GRK3: variants seen among roughly 807,000 people sequenced by gnomAD.
GRK3 encodes the protein adrenergic, beta, receptor kinase 2.
GRK3 carries 54 observed loss-of-function variants against 95.7 expected under a neutral mutation model. That is an observed-to-expected ratio of 0.56 (90% CI 0.45 to 0.71). GRK3 has a LOEUF of 0.71. GRK3 is among the 30% of genes least tolerant of loss of function. GRK3 has a pLI of 0.00. For synonymous variants in GRK3, 281 were observed against 290.8 expected, an observed-to-expected ratio of 0.97 and a Z score of 0.34; for missense variants, 649 against 851.2, an observed-to-expected ratio of 0.76 and a Z score of 2.96.
intron 18 of GRK3, among the ~76,000 whole-genome samples, chr22:25,716,091 A>G (rs1007815355): frequency 1.3e-5 from 2 of 151,814 alleles, no homozygotes; most frequent in Non-Finnish European, 2.9e-5. Flanking sequence ...GGTTCAAGTG[A>G]TTCTCCTGCC....
intron 12 of GRK3, among the ~76,000 whole-genome samples, chr22:25,693,087 T>C (rs977739822): frequency 2.6e-5 from 4 of 152,134 alleles, no homozygotes; most frequent in African/African-American, 9.7e-5. Flanking sequence ...CATGAAAAAA[T>C]CGCAGGAAAA....
chr22:25,615,441 AT>A (rs944591324), intron 2 of GRK3, among the ~76,000 whole-genome samples: 3 of 152,192 alleles, frequency 2.0e-5, no homozygotes, highest in Non-Finnish European at 4.4e-5. Context: ...CTGGTTTTAG[AT>A]TTTTTTGGAG....
At chr22:25,693,593 T>C (rs773203550) in intron 12 of GRK3, among the ~76,000 whole-genome samples, 1 of 152,116 alleles carries the variant, frequency 6.6e-6, no homozygotes, top group African/African-American at 2.4e-5. Context: ...TGATTGAGCT[T>C]TCCAGAATGC....
chr22:25,565,224 C>A, intron 1 of GRK3, 71 bp downstream of exon 1: 1 of 776,296 alleles, frequency 1.3e-6, no homozygotes, highest in South Asian at 2.0e-5. Flanking sequence ...CCCCTGCTTC[C>A]TGGAGGGTCG....
intron 3 of GRK3, among the ~76,000 whole-genome samples, chr22:25,652,512 C>T (rs1388125730): frequency 6.6e-6 from 1 of 152,060 alleles, no homozygotes; most frequent in Non-Finnish European, 1.5e-5. Flanking sequence ...AACTAAATTG[C>T]ATGACAGTAG....
At chr22:25,708,109 G>A (rs1442061392) in intron 15 of GRK3, among the ~76,000 whole-genome samples, 1 of 152,110 alleles carries the variant, frequency 6.6e-6, no homozygotes, top group Non-Finnish European at 1.5e-5. Flanking sequence ...TTAGCCGGGT[G>A]TGGTGGCACG....
chr22:25,565,460 C>A (rs1601438022), intron 1 of GRK3, among the ~76,000 whole-genome samples: 1 of 152,244 alleles, frequency 6.6e-6, no homozygotes, highest in African/African-American at 2.4e-5. Flanking sequence ...TCGCCCCCTC[C>A]CCCCAGCCCT....
intron 11 of GRK3, among the ~76,000 whole-genome samples, chr22:25,688,584 G>A (rs932544598): frequency 1.3e-5 from 2 of 152,202 alleles, no homozygotes. Flanking sequence ...TCCTTGCACT[G>A]TGTAACCTCC....
chr22:25,597,554 T>A (rs1365524786), intron 1 of GRK3, among the ~76,000 whole-genome samples: 1 of 152,102 alleles, frequency 6.6e-6, no homozygotes, highest in Non-Finnish European at 1.5e-5. Flanking sequence ...GTGCGCCCCA[T>A]GAATATGTAC....
At chr22:25,568,519 T>G (rs771367749) in intron 1 of GRK3, among the ~76,000 whole-genome samples, 2 of 152,224 alleles carry the variant, frequency 1.3e-5, no homozygotes, top group Non-Finnish European at 2.9e-5. Flanking sequence ...ATTTTAAAGA[T>G]TCTTTATAAT....
At chr22:25,588,396 C>T (rs1402441643) in intron 1 of GRK3, among the ~76,000 whole-genome samples, 2 of 152,184 alleles carry the variant, frequency 1.3e-5, no homozygotes, top group Admixed American at 6.5e-5. Flanking sequence ...CATAGATTGT[C>T]CTGTGCTGAA....
intron 15 of GRK3, 70 bp from the exon 16 acceptor site, chr22:25,709,828 A>G: frequency 8.8e-7 from 1 of 1,137,262 alleles, no homozygotes; most frequent in Non-Finnish European, 1.3e-6. Context: ...TTAACAGGAG[A>G]CAGTTTTGCA....
rs2085472054 is a variant in GRK3, at chr22:25,726,132, C to A, written c.*3682C>A. 6.6e-6 allele frequency: 1 copy of A among 152,174 alleles called. No individual in the cohort carries two copies. Among genetic ancestry groups the A allele is most frequent in the African/African-American group, 2.4e-5 (1 of 41,414 alleles). The allele number at this position is 152,174 out of a possible 1,614,324, so 9.4% of individuals were successfully genotyped here. A position where few individuals can be genotyped will look rare whatever the true frequency, so the allele number is the denominator to read the frequency against. Reference sequence around the variant, plus strand: ...ACGACTGTTTGAAGGCCACACTGGTCATCTACAAAGTAATGTTTACCAATT... The same window carrying A: ...ACGACTGTTTGAAGGCCACACTGGTAATCTACAAAGTAATGTTTACCAATT... On this transcript the variant is annotated 3_prime_UTR_variant, in exon 21 of 21. Transcript: ENST00000324198.
At chr22:25,690,094 A>C in intron 11 of GRK3, 95 bp from the exon 12 acceptor site, 1 of 829,360 alleles carries the variant, frequency 1.2e-6, no homozygotes, top group East Asian at 2.6e-5. Flanking sequence ...AAACTATGAT[A>C]AAATAGTGAG....
At chr22:25,704,781 T>C (rs1268419175) in intron 15 of GRK3, among the ~76,000 whole-genome samples, 1 of 152,220 alleles carries the variant, frequency 6.6e-6, no homozygotes, top group African/African-American at 2.4e-5. Context: ...AGTCCATTTG[T>C]TTTTTAGTGA....
At chr22:25,598,425 A>G (rs1428103194) in intron 1 of GRK3, among the ~76,000 whole-genome samples, 1 of 152,104 alleles carries the variant, frequency 6.6e-6, no homozygotes, top group African/African-American at 2.4e-5. Flanking sequence ...GTATCCCAGC[A>G]CTTTGGGAGT....
chr22:25,577,023 C>G (rs996161188), intron 1 of GRK3, among the ~76,000 whole-genome samples: 4 of 152,156 alleles, frequency 2.6e-5, no homozygotes, highest in African/African-American at 9.7e-5. Flanking sequence ...ACCAACTAAG[C>G]TACATGTCAT....
At position 25,650,692 on chromosome 22, in the gene GRK3, C is replaced by T. The variant is rs5996962; in HGVS notation, c.264+6027C>T. Among the ~76,000 whole-genome samples, 744 of 152,242 alleles carry T rather than the reference C, an allele frequency of 4.9e-3. 4 individuals are homozygous for T. Among genetic ancestry groups the T allele is most frequent in the African/African-American group, 0.017 (711 of 41,562 alleles). ...AATGGCATTGTTGGCATTCATAGCT[C>T]CTCACTTAGCTATCTTCTGAGACTT... On this transcript the variant is annotated intron_variant, in intron 3 of 20. Coordinates refer to ENST00000324198, the MANE Select transcript of GRK3 (RefSeq NM_005160.4).
At chr22:25,699,978 G>A (rs1167950068) in intron 13 of GRK3, among the ~76,000 whole-genome samples, 5 of 152,174 alleles carry the variant, frequency 3.3e-5, no homozygotes, top group African/African-American at 7.2e-5. Context: ...GATTACAGGC[G>A]TGAGCCCCCG....
Sources: gnomAD v4.1 joint callset for allele counts (sites outside exome capture counted in the v4.1 genomes callset) on GRCh38, gnomAD v4.1.1 for gene constraint, MANE v1.5 for transcripts, NCBI Gene and HGNC (gene_info 2026-07-23, HGNC 2026-07-21) for gene names.